Variants in C5 observed in about 807,000 individuals in gnomAD.
The protein encoded by C5 is complement C5.
C5 carries 140 observed loss-of-function variants against 218.8 expected under a neutral mutation model. The observed-to-expected ratio is 0.64, with a 90% CI of 0.56 to 0.74. The LOEUF is 0.74. Among genes scored for constraint, C5 ranks in the 30% least tolerant of loss-of-function variants. The probability of loss-of-function intolerance (pLI) is 0.00; values close to 1 mark genes in which losing one functional copy is unlikely to be tolerated. For missense variants in C5, 1,700 were observed against 1,969.6 expected, an observed-to-expected ratio of 0.86 and a Z score of 2.59; for synonymous variants, 614 against 682.3, an observed-to-expected ratio of 0.90 and a Z score of 1.56.
intron 17 of C5, among the ~76,000 whole-genome samples, chr9:121,009,095 T>C (rs547815026): frequency 6.6e-6 from 1 of 152,288 alleles, no homozygotes; most frequent in Non-Finnish European, 1.5e-5. Flanking sequence ...TATAAAGTTA[T>C]TTGCACTTAT....
chr9:120,990,021 G>A (rs2047065206), intron 23 of C5, among the ~76,000 whole-genome samples: 2 of 152,058 alleles, frequency 1.3e-5, no homozygotes. Flanking sequence ...TAATACAGTG[G>A]ACTGATTGCT....
chr9:121,014,221 G>A, intron 16 of C5, 151 bp from the exon 17 acceptor site: 5 of 722,236 alleles, frequency 6.9e-6, no homozygotes, highest in South Asian at 1.5e-5. Flanking sequence ...ACTCCCCTTG[G>A]AACTATTCTA....
chr9:121,020,121 G>T lies in C5; in HGVS notation c.1361C>A (p.Ala454Glu), dbSNP rs1564154657. Residue 454 changes from alanine to glutamate, a missense_variant, in exon 12 of 41, where the codon GCA becomes GAA. Transcript: ENST00000223642. ...TTGGCTGAGAGATGAGTATGCTATTGCTCGGTAACCTTCCCTGGCCTGATT... is the reference window on the plus strand; with the variant it reads ...TTGGCTGAGAGATGAGTATGCTATTTCTCGGTAACCTTCCCTGGCCTGATT... ...EENQAREGYRAIAYSSLSQSY... is the reference protein window; with the variant it reads ...EENQAREGYREIAYSSLSQSY... The T allele has an allele frequency of 1.2e-6, 2 of 1,613,944 alleles. No individual in the cohort carries two copies. The highest frequency in any genetic ancestry group is 1.7e-6 in the Non-Finnish European group (2 of 1,179,856).
At chr9:121,065,989 G>C in the C5 span, among the ~76,000 whole-genome samples, 1 of 152,026 alleles carries the variant, frequency 6.6e-6, no homozygotes, top group Non-Finnish European at 1.5e-5. Flanking sequence ...TTAAAAGTTA[G>C]ACATTTTTGA....
At chr9:120,993,708 C>T (rs142860665) in intron 22 of C5, among the ~76,000 whole-genome samples, 2,966 of 152,292 alleles carry the variant, frequency 0.019, 99 homozygotes, top group African/African-American at 0.068. Context: ...AGGCGTGAGC[C>T]ACCGCGCCTG....
intron 29 of C5, among the ~76,000 whole-genome samples, chr9:120,976,093 C>T (rs775259750): frequency 1.6e-4 from 25 of 152,156 alleles, no homozygotes; most frequent in Non-Finnish European, 3.1e-4. Flanking sequence ...GCCCTCTCTA[C>T]ATCTAAATTA....
chr9:120,952,924 ATTTC>A (rs967018894), intron 40 of C5, 56 bp from the exon 41 acceptor site: 28 of 1,595,168 alleles, frequency 1.8e-5, no homozygotes, highest in African/African-American at 1.1e-4. Context: ...GCTGAATTTG[ATTTC>A]TTTATTTTTT....
In C5 at chr9:121,046,146, A is replaced by C. The variant is rs761962936; in HGVS notation, c.258+45T>G. On this transcript the variant is annotated intron_variant, in intron 2 of 40. Transcript: ENST00000223642. ...AACTTTGTACACATTTTTATTGAGA[A>C]TATTCTGTATATATATATAAAGAAA... 5.1e-6 allele frequency: 5 copies of C among 977,156 alleles called. No individual in the cohort carries two copies. In the Admixed American group the frequency reaches 6.7e-5, roughly 13 times the overall value. The allele number at this position is 977,156 out of a possible 1,614,324, so 60.5% of individuals were successfully genotyped here.
intron 25 of C5, among the ~76,000 whole-genome samples, chr9:120,987,689 TC>T (rs947211284): frequency 2.0e-5 from 3 of 151,556 alleles, no homozygotes; most frequent in Admixed American, 2.0e-4. Flanking sequence ...ATTAAAGTAT[TC>T]TAGGTTGTAA....
At chr9:121,022,282 A>T (rs915668280) in intron 10 of C5, among the ~76,000 whole-genome samples, 3 of 139,016 alleles carry the variant, frequency 2.2e-5, no homozygotes, top group Non-Finnish European at 4.6e-5. Context: ...TTCCTTTAAC[A>T]TCTACCTCTC....
chr9:121,050,400 C>T (rs1032526508), upstream of C5: 2 of 676,330 alleles, frequency 3.0e-6, no homozygotes, highest in Non-Finnish European at 5.3e-6. Flanking sequence ...ACTAAAACAC[C>T]CTTTCATGCC....
intron 30 of C5, among the ~76,000 whole-genome samples, chr9:120,974,513 GC>G (rs2131687443): frequency 6.6e-6 from 1 of 152,274 alleles, no homozygotes; most frequent in South Asian, 2.1e-4. Context: ...GATCAGGAGG[GC>G]CCCTCTGTAC....
At chr9:121,057,039 T>G in the C5 span, among the ~76,000 whole-genome samples, 1 of 152,164 alleles carries the variant, frequency 6.6e-6, no homozygotes, top group African/African-American at 2.4e-5. Context: ...GGCAACAGAT[T>G]TCTTAGCAGA....
At chr9:121,036,788 A>G (rs779169310) in intron 4 of C5, among the ~76,000 whole-genome samples, 4 of 152,052 alleles carry the variant, frequency 2.6e-5, no homozygotes, top group African/African-American at 9.7e-5. Context: ...GTCCTACTGT[A>G]TAATTTATTT....
rs1341760942 is a variant in C5 at position 120,953,884 on chromosome 9, G to C, written c.4763-16C>G. 3 of 1,613,252 alleles carry C rather than the reference G, an allele frequency of 1.9e-6. No homozygotes were observed. The East Asian group carries it at 6.7e-5, about 36-fold the overall frequency. ...ACAGCTTCCCCTGAGAGACATGCAA[G>C]TCAAGTAAGGTTATACCATTCATGT... On this transcript the variant is annotated splice_polypyrimidine_tract_variant and intron_variant, in intron 39 of 40. Coordinates refer to ENST00000223642, the MANE Select transcript of C5 (RefSeq NM_001735.3).
Position 121,037,496 on chromosome 9 carries a change from A to G in C5, c.492+385T>C, listed in dbSNP as rs41307992. On this transcript the variant is annotated intron_variant, in intron 4 of 40. Transcript: ENST00000223642. ...ACCAGCTAATTTTTTGTATTTTAGT[A>G]GAGATGAGGTTTCACTATGTTGGCC... Among the ~76,000 whole-genome samples the G allele has an allele frequency of 8.6e-3, 1,301 of 151,914 alleles. 25 individuals carry two copies. The highest frequency in any genetic ancestry group is 0.03 in the African/African-American group (1,232 of 41,440).
At chr9:121,073,511 CTTTTTT>C in the C5 span, among the ~76,000 whole-genome samples, 1 of 73,012 alleles carries the variant, frequency 1.4e-5, no homozygotes, top group African/African-American at 5.1e-5. Flanking sequence ...GAAAACTGGA[CTTTTTT>C]TTTTTTTTTT....
Position 120,962,978 on chromosome 9 carries a change from A to T in C5, c.4324-11T>A. On this transcript the variant is annotated splice_polypyrimidine_tract_variant and intron_variant, in intron 34 of 40. Coordinates refer to ENST00000223642, the MANE Select transcript of C5 (RefSeq NM_001735.3). ...CACCCCTTCCACAAGCTAAGGGGGA[A>T]AAGAGAGAAGCTTGAATTTCATTTC... 6.2e-7 allele frequency: 1 copy of T among 1,601,576 alleles called. No homozygotes were observed.
At chr9:120,998,746 G>T (rs770136581) in intron 20 of C5, among the ~76,000 whole-genome samples, 1 of 152,154 alleles carries the variant, frequency 6.6e-6, no homozygotes, top group Non-Finnish European at 1.5e-5. Flanking sequence ...TAATAATAGT[G>T]CCCACTGACT....
Sources: allele counts gnomAD v4.1 joint callset (sites outside exome capture counted in the v4.1 genomes callset), GRCh38; gene constraint gnomAD v4.1.1; transcripts MANE v1.5; gene names NCBI Gene and HGNC (gene_info 2026-07-23, HGNC 2026-07-21).